The following UTP18 variants were observed in gnomAD, a reference collection of about 807,000 sequenced individuals.
The protein encoded by UTP18 is U3 small nucleolar RNA-associated protein 18 homolog.
Under a neutral mutation model 61.1 loss-of-function variants are expected in UTP18, and 36 were observed. The observed-to-expected ratio is 0.59, with a 90% confidence interval of 0.45 to 0.78. The LOEUF is 0.78. Ranked by LOEUF, UTP18 falls within the 30% of genes least tolerant of loss-of-function variation. UTP18 has a pLI of 0.00. For synonymous variants in UTP18, 282 were observed against 251.1 expected (o/e 1.12, Z -1.16); for missense variants, 753 against 693.9 (o/e 1.09, Z -0.96).
At chr17:51,271,180 T>G (rs965407520) in intron 4 of UTP18, among the ~76,000 whole-genome samples, 1 of 152,234 alleles carries the variant, frequency 6.6e-6, no homozygotes. Flanking sequence ...TTCATAGTAC[T>G]TTTGAACTGG....
At chr17:51,295,150 G>T (rs1463988319) in intron 12 of UTP18, among the ~76,000 whole-genome samples, 2 of 152,062 alleles carry the variant, frequency 1.3e-5, no homozygotes, top group South Asian at 2.1e-4. Flanking sequence ...TTTGTAGGTT[G>T]CCTGTTTACT....
intron 10 of UTP18, among the ~76,000 whole-genome samples, chr17:51,285,748 T>C (rs1267967647): frequency 6.6e-6 from 1 of 152,212 alleles, no homozygotes; most frequent in Non-Finnish European, 1.5e-5. Context: ...AATTTATAAA[T>C]TAAACTTTTT....
intron 7 of UTP18, among the ~76,000 whole-genome samples, chr17:51,279,485 T>C (rs772768638): frequency 1.6e-4 from 24 of 151,194 alleles, no homozygotes; most frequent in Non-Finnish European, 3.1e-4. Context: ...GTGAAAAGTT[T>C]TGGGGTTTTT....
In UTP18 at chr17:51,260,909, C is replaced by T; in HGVS notation, c.325C>T (p.Arg109Cys). Residue 109 changes from arginine (R) to cysteine (C), a missense_variant, in exon 1 of 14, where the codon CGT (arginine) becomes TGT (cysteine). Physicochemically the swap from Arg to Cys is radical, Grantham distance 180 (BLOSUM62 -3). Transcript: ENST00000225298. The stretch of plus-strand genomic sequence containing the variant: ...GAACGACGAGGACGCGTTGCTGCGG[C>T]GTCTGCGAGGCCCGAGGGTGAGGGA... ...VENDEDALLR[R>C]LRGPRVQEHE... 1 of 1,589,302 alleles carries T rather than the reference C, an allele frequency of 6.3e-7. No individual in the cohort carries two copies.
rs766083318 is a variant in UTP18, at chr17:51,296,987, TAA to T, written c.1671_*1del. ...CAGGTTGCACCATTACTCAGACTTC[TAA>T]AGAGACTATTTGAAGTAAGAAAACC... The part of the protein sequence containing the change: ...MYRLHHYSDF[*>X] On this transcript the variant is annotated frameshift_variant and stop_lost, in exon 13 of 14. Transcript: ENST00000225298. LOFTEE classifies it high-confidence loss of function. The T allele has an allele frequency of 8.1e-6, 13 of 1,605,974 alleles. No individual in the cohort carries two copies. In the South Asian group the frequency reaches 1.4e-4, roughly 18 times the overall value.
At chr17:51,286,368 A>T (rs146144536) in intron 10 of UTP18, 1 of 408,270 alleles carries the variant, frequency 2.4e-6, no homozygotes, top group Non-Finnish European at 4.9e-6. Context: ...TAGACCAAAC[A>T]CAATTGAGCC....
intron 12 of UTP18, among the ~76,000 whole-genome samples, chr17:51,294,550 T>G (rs1319719308): frequency 6.6e-6 from 1 of 152,114 alleles, no homozygotes; most frequent in East Asian, 1.9e-4. Flanking sequence ...TATGGCTGCA[T>G]AGTATTCCAT....
chr17:51,284,394 T>A (rs979392404), intron 9 of UTP18, among the ~76,000 whole-genome samples: 24 of 152,324 alleles, frequency 1.6e-4, no homozygotes, highest in Admixed American at 2.6e-4. Context: ...CTTTTTTTTT[T>A]AATCATTTAA....
At chr17:51,265,385 T>A (rs981739465) in intron 2 of UTP18, among the ~76,000 whole-genome samples, 2 of 151,664 alleles carry the variant, frequency 1.3e-5, no homozygotes, top group Non-Finnish European at 1.5e-5. Context: ...TGCCTCAGCC[T>A]CCTGAGTAGA....
At chr17:51,282,412 G>A (rs571362811) in intron 9 of UTP18, among the ~76,000 whole-genome samples, 7 of 151,770 alleles carry the variant, frequency 4.6e-5, no homozygotes, top group Admixed American at 1.3e-4. Flanking sequence ...AAGGCCAGGA[G>A]CAGCTATATT....
chr17:51,280,108 A>G lies in UTP18; in HGVS notation c.1113+3A>G, dbSNP rs1904863227. 1.2e-6 allele frequency: 2 copies of G among 1,612,094 alleles called. No individual in the cohort carries two copies. Among genetic ancestry groups the G allele is most frequent in the Admixed American group, 1.7e-5 (1 of 59,898 alleles). The stretch of plus-strand genomic sequence containing the variant: ...ATTTGCATTTGCTAGCAATGAAGGT[A>G]AAGCATTATTATTGCTTCTTGTTCT... On this transcript the variant is annotated splice_donor_region_variant and intron_variant, in intron 8 of 13. Coordinates refer to ENST00000225298, the MANE Select transcript of UTP18 (RefSeq NM_016001.3).
chr17:51,262,281 TC>T (rs1477134219), intron 1 of UTP18, among the ~76,000 whole-genome samples: 1 of 151,980 alleles, frequency 6.6e-6, no homozygotes, highest in African/African-American at 2.4e-5. Flanking sequence ...AAACGGGGTT[TC>T]ACCATCTTCG....
Position 51,280,403 on chromosome 17 carries a change from T to C in UTP18, c.1128T>C (p.Ile376=). 2 of 1,614,154 alleles carry C rather than the reference T, an allele frequency of 1.2e-6. No individual in the cohort carries two copies. Among genetic ancestry groups the C allele is most frequent in the Non-Finnish European group, 8.5e-7 (1 of 1,179,992 alleles). The change falls in exon 9 of 14, where the codon ATT becomes ATC. Residue 376 remains isoleucine, a synonymous_variant. Transcript: ENST00000225298. The part of the protein sequence containing the change: ...HLLAMKTKEL[I]GSMKINGRVA... Reference sequence around the variant, plus strand: ...TATTGTTTTAGACCAAAGAACTGATTGGAAGCATGAAAATTAATGGAAGGG... The same window carrying C: ...TATTGTTTTAGACCAAAGAACTGATCGGAAGCATGAAAATTAATGGAAGGG...
At position 51,297,791 on chromosome 17, in the gene UTP18, A is replaced by G. The variant is rs780188728; in HGVS notation, c.*24A>G. Reference sequence around the variant, plus strand: ...TTTGTTCTTTCCTCAGGTCCAGTTGAGTCACAAGAGAAGCCTGTCTTGATA... The same window carrying G: ...TTTGTTCTTTCCTCAGGTCCAGTTGGGTCACAAGAGAAGCCTGTCTTGATA... On this transcript the variant is annotated 3_prime_UTR_variant, in exon 14 of 14. Transcript: ENST00000225298. 69 of 409,430 alleles carry G rather than the reference A, an allele frequency of 1.7e-4. 1 individual carries two copies. Among genetic ancestry groups the G allele is most frequent in the South Asian group, 1.2e-3 (65 of 54,976 alleles). 25.4% of individuals were successfully genotyped at this position (409,430 alleles called of 1,614,324 possible). A position where few individuals can be genotyped will look rare whatever the true frequency, so the allele number is the denominator to read the frequency against.
intron 10 of UTP18, among the ~76,000 whole-genome samples, chr17:51,287,307 C>T (rs1905144220): frequency 6.6e-6 from 1 of 152,094 alleles, no homozygotes; most frequent in African/African-American, 2.4e-5. Context: ...CTTAAAGAAT[C>T]TTAAGCAAAT....
intron 9 of UTP18, 89 bp from the exon 10 acceptor site, chr17:51,285,156 A>G (rs1905063919): frequency 3.5e-6 from 5 of 1,435,570 alleles, no homozygotes; most frequent in East Asian, 4.6e-5. Context: ...AGTCTCCTGT[A>G]CTGTTAAGAG....
intron 9 of UTP18, among the ~76,000 whole-genome samples, chr17:51,281,069 T>C (rs1904901891): frequency 1.3e-5 from 2 of 150,830 alleles, no homozygotes; most frequent in African/African-American, 4.9e-5. Context: ...TCCCAGCTAG[T>C]TGGGAGGCTG....
At chr17:51,277,391 T>C in intron 7 of UTP18, 87 bp downstream of exon 7, 6 of 1,397,922 alleles carry the variant, frequency 4.3e-6, no homozygotes, top group Non-Finnish European at 5.8e-6. Context: ...TTTCACTCCA[T>C]AGGATTCTTA....
rs1306005817 is a variant in UTP18 at position 51,290,906 on chromosome 17, T to C, written c.1503+2703T>C. Among the ~76,000 whole-genome samples the C allele has an allele frequency of 2.0e-5, 3 of 152,306 alleles. No individual in the cohort carries two copies. In the East Asian group the frequency reaches 5.8e-4, roughly 29 times the overall value. On this transcript the variant is annotated intron_variant, in intron 11 of 13. Transcript: ENST00000225298. The stretch of plus-strand genomic sequence containing the variant: ...CAATTCCTTATAATGATCTAGACGG[T>C]TTTGTCATCCCATTACAAAGCACTG...
Sources: allele counts gnomAD v4.1 joint callset (sites outside exome capture counted in the v4.1 genomes callset), GRCh38; gene constraint gnomAD v4.1.1; transcripts MANE v1.5; gene names NCBI Gene and HGNC (gene_info 2026-07-23, HGNC 2026-07-21).